The following FHIT variants were observed in gnomAD, a reference collection of about 807,000 sequenced individuals.
The protein encoded by FHIT is fragile histidine triad diadenosine triphosphatase, also known as bis(5'-adenosyl)-triphosphatase.
In FHIT, 19 loss-of-function variants were observed where a neutral mutation model predicts 17.9. That is an observed-to-expected ratio of 1.06 (90% confidence interval 0.74 to 1.56). FHIT has a LOEUF of 1.56. Ranked by LOEUF, FHIT falls within the 40% of genes most tolerant of loss-of-function variation. FHIT has a pLI of 0.00. For synonymous variants in FHIT, 81 were observed against 69.7 expected, an observed-to-expected ratio of 1.16 and a Z score of -0.81; for missense variants, 248 against 189.2, an observed-to-expected ratio of 1.31 and a Z score of -1.82.
At chr3:60,423,515 C>T (rs893753494) in intron 5 of FHIT, among the ~76,000 whole-genome samples, 6 of 152,024 alleles carry the variant, frequency 3.9e-5, no homozygotes, top group Non-Finnish European at 8.8e-5. Context: ...AATGAGATAT[C>T]TTAGACTTCA....
At chr3:60,103,452 C>T (rs1704276355) in intron 5 of FHIT, among the ~76,000 whole-genome samples, 6 of 152,152 alleles carry the variant, frequency 3.9e-5, no homozygotes. Flanking sequence ...AACAAACAAA[C>T]ACCACGATAA....
intron 2 of FHIT, among the ~76,000 whole-genome samples, chr3:61,150,149 C>T (rs2037344609): frequency 6.6e-6 from 1 of 152,072 alleles, no homozygotes. Context: ...TCCTTGGACT[C>T]ATGGAACCTT....
intron 5 of FHIT, among the ~76,000 whole-genome samples, chr3:60,037,618 G>A (rs1701273013): frequency 6.6e-6 from 1 of 151,958 alleles, no homozygotes; most frequent in South Asian, 2.1e-4. Flanking sequence ...CTAACCTCAG[G>A]TGATCCGCCC....
intron 5 of FHIT, among the ~76,000 whole-genome samples, chr3:60,136,858 A>G (rs1460083029): frequency 2.1e-5 from 3 of 144,618 alleles, no homozygotes; most frequent in East Asian, 3.9e-4. Context: ...ATGGATTAGT[A>G]ACAGTCTGAT....
At chr3:61,121,688 G>C (rs114925762) in intron 2 of FHIT, among the ~76,000 whole-genome samples, 1 of 151,982 alleles carries the variant, frequency 6.6e-6, no homozygotes, top group South Asian at 2.1e-4. Flanking sequence ...ATCAACTAAC[G>C]GGCAAAATAA....
At chr3:59,898,553 T>G (rs900450387) in intron 8 of FHIT, among the ~76,000 whole-genome samples, 1 of 152,146 alleles carries the variant, frequency 6.6e-6, no homozygotes, top group Non-Finnish European at 1.5e-5. Context: ...CTGGCAATTT[T>G]AGTCCCATAT....
intron 8 of FHIT, among the ~76,000 whole-genome samples, chr3:59,764,241 C>T (rs73094522): frequency 0.13 from 20,439 of 152,138 alleles, 1,602 homozygotes; most frequent in Admixed American, 0.19. Context: ...GCAGGCTGAC[C>T]TCACAGACTT....
At chr3:59,933,817 A>G (rs1242328398) in intron 7 of FHIT, among the ~76,000 whole-genome samples, 1 of 152,182 alleles carries the variant, frequency 6.6e-6, no homozygotes, top group Non-Finnish European at 1.5e-5. Context: ...ATTTCTGCTC[A>G]TTCTAACTAT....
chr3:59,933,998 C>G (rs1039081454), intron 7 of FHIT, among the ~76,000 whole-genome samples: 1 of 152,106 alleles, frequency 6.6e-6, no homozygotes, highest in African/African-American at 2.4e-5. Context: ...TAGACTAAAA[C>G]AGGGCCCCTC....
chr3:60,357,060 A>C (rs1454145806), intron 5 of FHIT, among the ~76,000 whole-genome samples: 1 of 152,172 alleles, frequency 6.6e-6, no homozygotes, highest in Non-Finnish European at 1.5e-5. Flanking sequence ...AGTTCAAATT[A>C]CGTTTCTTTC....
At position 61,102,803 on chromosome 3, in the gene FHIT, T is replaced by TTTA. The variant is rs568902459; in HGVS notation, c.-163-60707_-163-60705dup. 3.2e-3 allele frequency among the ~76,000 whole-genome samples: 481 copies of TTTA among 152,334 alleles called. 4 individuals are homozygous for TTTA. Among genetic ancestry groups the TTTA allele is most frequent in the African/African-American group, 0.011 (453 of 41,578 alleles). ...TTGGGAGGGTGTATGTGTCCAGGAA[T>TTTA]TTATCCATTTCTTCTAGATTTTCTA... On this transcript the variant is annotated intron_variant, in intron 2 of 9. Transcript: ENST00000492590.
At chr3:60,569,755 A>ATATTTTTT in intron 4 of FHIT, among the ~76,000 whole-genome samples, 3,372 of 76,668 alleles carry the variant, frequency 0.044, 183 homozygotes, top group Non-Finnish European at 0.056. Flanking sequence ...ATATATATAT[A>ATATTTTTT]TTTTTTTTTT....
chr3:60,035,499 C>T (rs923288459), intron 5 of FHIT, among the ~76,000 whole-genome samples: 1 of 152,164 alleles, frequency 6.6e-6, no homozygotes. Context: ...GGATTACAGG[C>T]GTGAGCCACC....
chr3:60,037,454 C>T lies in FHIT; in HGVS notation c.104-23302G>A, dbSNP rs374443537. Among the ~76,000 whole-genome samples, 125 of 148,964 alleles carry T rather than the reference C, an allele frequency of 8.4e-4. 1 individual carries two copies. Among genetic ancestry groups the T allele is most frequent in the African/African-American group, 3.0e-3 (120 of 40,288 alleles). On this transcript the variant is annotated intron_variant, in intron 5 of 9. Transcript: ENST00000492590. ...CCCGAGTGCAGTGGCGAAATCTTGG[C>T]TCACTGCAACCTCCGCCTCCCAGGT...
chr3:59,799,712 T>G (rs1218317401), intron 8 of FHIT, among the ~76,000 whole-genome samples: 1 of 152,200 alleles, frequency 6.6e-6, no homozygotes, highest in Non-Finnish European at 1.5e-5. Flanking sequence ...TATTGGGCAT[T>G]AACTTGGGAT....
chr3:60,460,992 A>G (rs1276874249), intron 5 of FHIT, among the ~76,000 whole-genome samples: 1 of 152,210 alleles, frequency 6.6e-6, no homozygotes, highest in Non-Finnish European at 1.5e-5. Context: ...TAAGTTTAAA[A>G]AATAACAAAA....
At chr3:60,950,690 T>TA (rs1708840272) in intron 3 of FHIT, among the ~76,000 whole-genome samples, 1 of 151,842 alleles carries the variant, frequency 6.6e-6, no homozygotes, top group African/African-American at 2.4e-5. Flanking sequence ...CTAATTTTTT[T>TA]TTTTTTATTT....
chr3:60,027,108 G>C (rs58896034), intron 5 of FHIT, among the ~76,000 whole-genome samples: 1,517 of 87,976 alleles, frequency 0.017, 25 homozygotes, highest in African/African-American at 0.06. Flanking sequence ...TTCACACACA[G>C]ACACACACAC....
chr3:60,953,238 T>A (rs1390350596), intron 3 of FHIT, among the ~76,000 whole-genome samples: 1 of 152,216 alleles, frequency 6.6e-6, no homozygotes, highest in Non-Finnish European at 1.5e-5. Flanking sequence ...TGAGTGACTG[T>A]CATTTTATAC....
Sources: gnomAD v4.1 joint callset for allele counts (sites outside exome capture counted in the v4.1 genomes callset) on GRCh38, gnomAD v4.1.1 for gene constraint, MANE v1.5 for transcripts, NCBI Gene and HGNC (gene_info 2026-07-23, HGNC 2026-07-21) for gene names.